The following NDUFA10 variants were observed in gnomAD, a reference collection of about 807,000 sequenced individuals.
NDUFA10 encodes the protein NADH:ubiquinone oxidoreductase subunit A10.
In NDUFA10, 40 loss-of-function variants were observed where a neutral mutation model predicts 47.8. That is an observed-to-expected ratio of 0.84 (90% CI 0.65 to 1.09). NDUFA10 has a LOEUF of 1.09. NDUFA10 is among the 50% of genes least tolerant of loss of function. NDUFA10 has a pLI of 0.00. For missense variants in NDUFA10, 413 were observed against 451.1 expected, an observed-to-expected ratio of 0.92 and a Z score of 0.76; for synonymous variants, 183 against 172.2, an observed-to-expected ratio of 1.06 and a Z score of -0.49.
chr2:240,022,171 C>T lies in NDUFA10; in HGVS notation c.244+1G>A. 2 of 1,606,706 alleles carry T rather than the reference C, an allele frequency of 1.2e-6. No individual in the cohort carries two copies. The highest frequency in any genetic ancestry group is 1.7e-5 in the Admixed American group (1 of 60,004). Reference sequence around the variant, plus strand: ...TCATTCTGTGTAACATAAAATCATACCTAGTTTCTCTGCTATTTCTTTTGC... The same window carrying T: ...TCATTCTGTGTAACATAAAATCATATCTAGTTTCTCTGCTATTTCTTTTGC... On this transcript the variant is annotated splice_donor_variant, in intron 2 of 9. Transcript: ENST00000252711. LOFTEE classifies it high-confidence loss of function.
intron 4 of NDUFA10, among the ~76,000 whole-genome samples, chr2:239,901,929 G>C (rs1400592683): frequency 6.6e-6 from 1 of 152,162 alleles, no homozygotes; most frequent in Non-Finnish European, 1.5e-5. Context: ...CTGAAGATGG[G>C]ATGGAACTGC....
intron 1 of NDUFA10, among the ~76,000 whole-genome samples, chr2:240,022,778 GT>G (rs1697683652): frequency 6.6e-6 from 1 of 152,020 alleles, no homozygotes; most frequent in Non-Finnish European, 1.5e-5. Context: ...TCCTGACCTC[GT>G]TACCCCACTG....
At chr2:239,896,967 ATG>A (rs1693411110) in intron 4 of NDUFA10, among the ~76,000 whole-genome samples, 1 of 152,208 alleles carries the variant, frequency 6.6e-6, no homozygotes, top group Admixed American at 6.5e-5. Context: ...TAACATATGT[ATG>A]TGTGTATGTG....
chr2:240,024,163 T>G (rs1697757150), intron 1 of NDUFA10, among the ~76,000 whole-genome samples: 1 of 152,214 alleles, frequency 6.6e-6, no homozygotes, highest in African/African-American at 2.4e-5. Context: ...CAAAAAGAAA[T>G]CTGCATGTAC....
chr2:239,910,395 A>G (rs1466686368), intron 4 of NDUFA10, among the ~76,000 whole-genome samples: 3 of 152,350 alleles, frequency 2.0e-5, no homozygotes, highest in Middle Eastern at 3.4e-3. Context: ...ATAAAAAGAA[A>G]TGAGCTCATG....
At chr2:239,997,563 T>C (rs1194463384) in intron 8 of NDUFA10, among the ~76,000 whole-genome samples, 2 of 152,228 alleles carry the variant, frequency 1.3e-5, no homozygotes, top group African/African-American at 2.4e-5. Flanking sequence ...ACTCAATAGC[T>C]GTAAAATGCG....
At chr2:239,979,418 A>G (rs1463080254) in intron 9 of NDUFA10, among the ~76,000 whole-genome samples, 1 of 152,162 alleles carries the variant, frequency 6.6e-6, no homozygotes, top group Admixed American at 6.5e-5. Flanking sequence ...TCCGGTGAGG[A>G]AAGGCCACCA....
At chr2:240,011,890 A>C (rs1289513479) in intron 5 of NDUFA10, 194 bp from the exon 6 acceptor site, 3 of 625,528 alleles carry the variant, frequency 4.8e-6, no homozygotes, top group Non-Finnish European at 8.7e-6. Flanking sequence ...TACAGTGAAC[A>C]CCTGAGCCTG....
At chr2:239,975,054 G>A (rs748360604) in intron 9 of NDUFA10, among the ~76,000 whole-genome samples, 2 of 145,044 alleles carry the variant, frequency 1.4e-5, no homozygotes, top group East Asian at 2.1e-4. Flanking sequence ...CAGACACTCC[G>A]CCACCAAAGA....
chr2:240,004,960 A>G lies in NDUFA10; in HGVS notation c.890+250T>C, dbSNP rs191107206. On this transcript the variant is annotated intron_variant, in intron 8 of 9. Transcript: ENST00000252711. Reference sequence around the variant, plus strand: ...GACATCAAGAATTTTATCTGACACTATATCTCTTAAATCTGGAACGGTGTT... The same window carrying G: ...GACATCAAGAATTTTATCTGACACTGTATCTCTTAAATCTGGAACGGTGTT... 1.2e-4 allele frequency among the ~76,000 whole-genome samples: 19 copies of G among 152,314 alleles called. No homozygotes were observed. The East Asian group carries it at 1.3e-3, about 11-fold the overall frequency.
At chr2:239,922,000 CCTT>C (rs1270961656) in intron 4 of NDUFA10, among the ~76,000 whole-genome samples, 6 of 72,580 alleles carry the variant, frequency 8.3e-5, no homozygotes, top group Admixed American at 1.4e-4. Flanking sequence ...CTCCCTCCTT[CCTT>C]CTTTCCTTCC....
At chr2:239,954,466 G>A (rs141073098), downstream of NDUFA10, among the ~76,000 whole-genome samples, 19 of 152,368 alleles carry the variant, frequency 1.2e-4, no homozygotes, top group East Asian at 3.7e-3. Context: ...AGCTCCTCTG[G>A]AGAAGTCCCC....
chr2:239,968,319 G>A (rs1021055339), intron 9 of NDUFA10, among the ~76,000 whole-genome samples: 2 of 152,226 alleles, frequency 1.3e-5, no homozygotes, highest in East Asian at 1.9e-4. Flanking sequence ...CACGGCCTCC[G>A]CTGAGCAGCG....
At chr2:239,909,592 G>A (rs1269458051) in intron 4 of NDUFA10, among the ~76,000 whole-genome samples, 2 of 152,118 alleles carry the variant, frequency 1.3e-5, no homozygotes, top group African/African-American at 2.4e-5. Flanking sequence ...CAGCCTGGGC[G>A]AAAGAGCAAG....
intron 4 of NDUFA10, among the ~76,000 whole-genome samples, chr2:239,947,241 G>A (rs764022608): frequency 3.9e-5 from 6 of 152,300 alleles, no homozygotes; most frequent in East Asian, 1.9e-4. Flanking sequence ...GCAGGCATCC[G>A]AGCCTGGGAA....
chr2:239,971,407 C>CCA (rs531459276), intron 9 of NDUFA10, among the ~76,000 whole-genome samples: 194 of 152,344 alleles, frequency 1.3e-3, no homozygotes, highest in African/African-American at 4.4e-3. Flanking sequence ...CTGTCCTGAG[C>CCA]CACCTCTGCC....
chr2:239,914,419 A>G lies in NDUFA10; in HGVS notation c.295-19105T>C, dbSNP rs530328510. ...CATACACAGACACACACAAATATAC[A>G]GACACACACAGAGACACACAGAGAT... On this transcript the variant is annotated intron_variant, in intron 4 of 5. Transcript: ENST00000419408. Among the ~76,000 whole-genome samples the G allele has an allele frequency of 3.9e-3, 549 of 142,040 alleles. 2 individuals carry two copies. The highest frequency in any genetic ancestry group is 0.015 in the African/African-American group (520 of 35,276). The allele number at this position is 142,040 out of a possible 152,430, so 93.2% of individuals were successfully genotyped here.
intron 4 of NDUFA10, among the ~76,000 whole-genome samples, chr2:239,915,677 TACACACACAGA>T (rs1397057052): frequency 1.7e-5 from 2 of 117,496 alleles, no homozygotes; most frequent in African/African-American, 3.5e-5. Context: ...CACAAACATA[TACACACACAGA>T]ACACACACAT....
At chr2:239,947,794 T>C (rs113365303) in intron 4 of NDUFA10, among the ~76,000 whole-genome samples, 3,657 of 152,268 alleles carry the variant, frequency 0.024, 154 homozygotes, top group African/African-American at 0.083. Flanking sequence ...CACGGGGTGG[T>C]GCCTCAACAC....
Sources: gnomAD v4.1 joint callset for allele counts (sites outside exome capture counted in the v4.1 genomes callset) on GRCh38, gnomAD v4.1.1 for gene constraint, MANE v1.5 for transcripts, NCBI Gene and HGNC (gene_info 2026-07-23, HGNC 2026-07-21) for gene names.